Variants in CACNA1E observed in about 807,000 individuals in gnomAD.
CACNA1E encodes calcium voltage-gated channel subunit alpha1 E.
CACNA1E carries 40 observed loss-of-function variants against 259.2 expected under a neutral mutation model. The observed-to-expected ratio is 0.15, with a 90% confidence interval of 0.12 to 0.20. The LOEUF is 0.20. CACNA1E is among the 10% of genes least tolerant of loss of function. CACNA1E has a pLI of 1.00. For synonymous variants in CACNA1E, 1,104 were observed against 1,138.5 expected (o/e 0.97, Z 0.61); for missense variants, 1,874 against 3,040.1 (o/e 0.62, Z 9.02).
chr1:181,349,620 C>T (rs895358251), intron 1 of CACNA1E, among the ~76,000 whole-genome samples: 7 of 152,058 alleles, frequency 4.6e-5, no homozygotes, highest in African/African-American at 7.2e-5. Flanking sequence ...AAGCAAGAGG[C>T]GGGGCTGGGC....
chr1:181,606,796 C>T (rs1654280256), intron 6 of CACNA1E, among the ~76,000 whole-genome samples: 1 of 152,242 alleles, frequency 6.6e-6, no homozygotes, highest in African/African-American at 2.4e-5. Flanking sequence ...ACCTCAGAAC[C>T]TTTGGACATG....
At chr1:181,432,116 T>A (rs1472835815) in intron 2 of CACNA1E, among the ~76,000 whole-genome samples, 4 of 152,226 alleles carry the variant, frequency 2.6e-5, no homozygotes, top group African/African-American at 9.6e-5. Flanking sequence ...CTTCTGATGA[T>A]ACCTCCTTGG....
At chr1:181,740,350 A>T (rs1383131145) in intron 25 of CACNA1E, among the ~76,000 whole-genome samples, 1 of 152,132 alleles carries the variant, frequency 6.6e-6, no homozygotes, top group African/African-American at 2.4e-5. Context: ...TTAGAAAGAG[A>T]TCACCCTTGG....
chr1:181,393,570 A>T (rs1197918229), intron 1 of CACNA1E, among the ~76,000 whole-genome samples: 1 of 151,976 alleles, frequency 6.6e-6, no homozygotes, highest in Non-Finnish European at 1.5e-5. Context: ...CGATCCTCCC[A>T]CCTCACTTCC....
chr1:181,644,659 A>G (rs561505368), intron 6 of CACNA1E, among the ~76,000 whole-genome samples: 1 of 152,278 alleles, frequency 6.6e-6, no homozygotes, highest in African/African-American at 2.4e-5. Flanking sequence ...ACTGATTGTG[A>G]AACTGAGCTT....
chr1:181,461,018 C>T (rs1171169839), intron 2 of CACNA1E, among the ~76,000 whole-genome samples: 2 of 152,272 alleles, frequency 1.3e-5, no homozygotes, highest in Middle Eastern at 3.4e-3. Context: ...AGCTGAAGTA[C>T]GGTGGGGATT....
chr1:181,492,343 C>G (rs913133995), intron 1 of CACNA1E, among the ~76,000 whole-genome samples: 5 of 152,136 alleles, frequency 3.3e-5, no homozygotes, highest in Admixed American at 1.3e-4. Context: ...GTATTTTGAG[C>G]TTTGTGTGAT....
At chr1:181,746,796 G>A (rs541684056) in intron 25 of CACNA1E, among the ~76,000 whole-genome samples, 2 of 152,070 alleles carry the variant, frequency 1.3e-5, no homozygotes, top group African/African-American at 4.8e-5. Flanking sequence ...AAACGCTCCA[G>A]TGGTTCCCAT....
intron 7 of CACNA1E, among the ~76,000 whole-genome samples, chr1:181,659,304 G>T (rs917235834): frequency 1.3e-5 from 2 of 152,180 alleles, no homozygotes; most frequent in African/African-American, 4.8e-5. Flanking sequence ...TGGGAGGAAG[G>T]CTGTGAGGCA....
intron 1 of CACNA1E, among the ~76,000 whole-genome samples, chr1:181,408,052 A>T (rs1013905866): frequency 3.9e-5 from 6 of 152,198 alleles, no homozygotes; most frequent in Non-Finnish European, 8.8e-5. Context: ...CGTAGTGTTC[A>T]TCAGTTCCAT....
chr1:181,748,211 C>G (rs374137529), intron 25 of CACNA1E, among the ~76,000 whole-genome samples: 9 of 152,006 alleles, frequency 5.9e-5, no homozygotes, highest in African/African-American at 1.5e-4. Flanking sequence ...GACAAATAGC[C>G]CCCCCAGTGG....
At chr1:181,561,114 A>C (rs1198509502) in intron 3 of CACNA1E, among the ~76,000 whole-genome samples, 1 of 152,168 alleles carries the variant, frequency 6.6e-6, no homozygotes, top group Admixed American at 6.5e-5. Context: ...AATGGTACAG[A>C]GTTTCAGTTA....
At position 181,506,448 on chromosome 1, in the gene CACNA1E, C is replaced by T. The variant is rs546900243; in HGVS notation, c.267-4029C>T. ...GAGCAAAGCCCTGTCTTTGTAATGG[C>T]TCCTTAGTGAATGCCTCATGTTCAT... On this transcript the variant is annotated intron_variant, in intron 1 of 47. Coordinates refer to ENST00000367573, the MANE Select transcript of CACNA1E (RefSeq NM_001205293.3). Among the ~76,000 whole-genome samples the T allele has an allele frequency of 2.1e-4, 32 of 152,366 alleles. 1 individual carries two copies. Among genetic ancestry groups the T allele is most frequent in the African/African-American group, 7.7e-4 (32 of 41,586 alleles).
chr1:181,618,679 TGAA>T (rs986717986), intron 6 of CACNA1E, among the ~76,000 whole-genome samples: 7 of 152,356 alleles, frequency 4.6e-5, no homozygotes, highest in South Asian at 4.1e-4. Context: ...TTTCATTATT[TGAA>T]GAAGAAGTTG....
At chr1:181,339,956 T>G (rs1652018285) in intron 1 of CACNA1E, among the ~76,000 whole-genome samples, 1 of 152,106 alleles carries the variant, frequency 6.6e-6, no homozygotes, top group African/African-American at 2.4e-5. Flanking sequence ...TTATGACAGT[T>G]TTTACACTTT....
chr1:181,651,054 G>C (rs565353898), intron 6 of CACNA1E, among the ~76,000 whole-genome samples: 1 of 152,286 alleles, frequency 6.6e-6, no homozygotes, highest in Admixed American at 6.5e-5. Flanking sequence ...GCGTGACCTT[G>C]GAAAAGTATC....
intron 1 of CACNA1E, among the ~76,000 whole-genome samples, chr1:181,365,200 C>T (rs116412243): frequency 0.021 from 3,208 of 152,282 alleles, 111 homozygotes; most frequent in African/African-American, 0.074. Flanking sequence ...CAATGTCTCA[C>T]TCTGTCACCC....
intron 1 of CACNA1E, among the ~76,000 whole-genome samples, chr1:181,349,007 C>T (rs1250966231): frequency 3.3e-5 from 5 of 152,052 alleles, no homozygotes; most frequent in Non-Finnish European, 5.9e-5. Context: ...ATGCCATTCT[C>T]CTGGGCAGAG....
chr1:181,781,622 G>T, intron 39 of CACNA1E, 99 bp downstream of exon 39: 1 of 718,978 alleles, frequency 1.4e-6, no homozygotes, highest in Middle Eastern at 2.3e-4. Flanking sequence ...GGCTGGGGAG[G>T]TGGAGGAGGG....
Sources: allele counts gnomAD v4.1 joint callset (sites outside exome capture counted in the v4.1 genomes callset), GRCh38; gene constraint gnomAD v4.1.1; transcripts MANE v1.5; gene names NCBI Gene and HGNC (gene_info 2026-07-23, HGNC 2026-07-21).